Variants in PRIM2 observed in about 807,000 individuals in gnomAD.
PRIM2 encodes the protein DNA primase large subunit.
Under a neutral mutation model 67.3 loss-of-function variants are expected in PRIM2, and 39 were observed. That is an observed-to-expected ratio of 0.58 (90% CI 0.45 to 0.76). PRIM2 has a LOEUF of 0.76. PRIM2 is among the 30% of genes least tolerant of loss of function. The pLI, the probability that PRIM2 is intolerant of heterozygous loss-of-function variation, is 0.00. For missense variants in PRIM2, 398 were observed against 598.7 expected (o/e 0.66, Z 3.50); for synonymous variants, 143 against 198.7 (o/e 0.72, Z 2.36).
intron 3 of PRIM2, among the ~76,000 whole-genome samples, chr6:57,323,692 A>C (rs1676335853): frequency 6.6e-6 from 1 of 152,024 alleles, no homozygotes; most frequent in South Asian, 2.1e-4. Flanking sequence ...CTTAAAACCT[A>C]GATGACGGGC....
At chr6:57,495,712 C>T (rs1773989665) in intron 7 of PRIM2, among the ~76,000 whole-genome samples, 1 of 152,110 alleles carries the variant, frequency 6.6e-6, no homozygotes, top group African/African-American at 2.4e-5. Flanking sequence ...TTGTCCACCT[C>T]CTACACTCCA....
At chr6:57,603,090 C>A (rs1268077614) in intron 11 of PRIM2, among the ~76,000 whole-genome samples, 3 of 152,188 alleles carry the variant, frequency 2.0e-5, no homozygotes, top group Admixed American at 6.5e-5. Context: ...TTGTCTTTTG[C>A]AAATGTTTTC....
intron 8 of PRIM2, among the ~76,000 whole-genome samples, chr6:57,521,300 C>T (rs1774613605): frequency 6.6e-6 from 1 of 151,020 alleles, no homozygotes; most frequent in Admixed American, 6.6e-5. Context: ...TCCTACCCAC[C>T]CAACAAATCC....
chr6:57,557,513 A>G (rs1401014302), intron 10 of PRIM2, among the ~76,000 whole-genome samples: 39 of 151,668 alleles, frequency 2.6e-4, no homozygotes, highest in Middle Eastern at 3.4e-3. Flanking sequence ...AAACTAATGC[A>G]GGAACAGAAA....
intron 7 of PRIM2, among the ~76,000 whole-genome samples, chr6:57,415,116 T>TA (rs1771216137): frequency 6.6e-6 from 1 of 152,214 alleles, no homozygotes; most frequent in East Asian, 1.9e-4. Context: ...TGTATAGCAT[T>TA]AAAAAAATCA....
At chr6:57,270,648 G>A in the PRIM2 span, among the ~76,000 whole-genome samples, 2 of 152,266 alleles carry the variant, frequency 1.3e-5, no homozygotes, top group East Asian at 3.9e-4. Flanking sequence ...GCCCCGGCCA[G>A]AACTTCCAAC....
At chr6:57,238,602 G>A in the PRIM2 span, among the ~76,000 whole-genome samples, 2 of 152,304 alleles carry the variant, frequency 1.3e-5, no homozygotes, top group South Asian at 4.1e-4. Context: ...ATGCCCACAA[G>A]AGAAAGCAGG....
the PRIM2 span, among the ~76,000 whole-genome samples, chr6:57,291,793 A>G: frequency 6.6e-6 from 1 of 152,220 alleles, no homozygotes; most frequent in Non-Finnish European, 1.5e-5. Flanking sequence ...ATAAAATTCA[A>G]CAGCCCTTCA....
Position 57,459,803 on chromosome 6 carries a change from A to G in PRIM2, c.694-47584A>G, listed in dbSNP as rs1452499796. Among the ~76,000 whole-genome samples the G allele has an allele frequency of 9.3e-4, 141 of 152,262 alleles. 1 individual carries two copies. The highest frequency in any genetic ancestry group is 9.1e-3 in the South Asian group (44 of 4,816). The stretch of plus-strand genomic sequence containing the variant: ...ATCCAGGGTACTTTCCCTTTACTTA[A>G]AGTCAGCTGATTGTCAATTGTTAAT... On this transcript the variant is annotated intron_variant, in intron 7 of 13. Coordinates refer to ENST00000615550, the MANE Select transcript of PRIM2 (RefSeq NM_000947.5).
the PRIM2 span, among the ~76,000 whole-genome samples, chr6:57,237,655 C>T: frequency 6.6e-6 from 1 of 152,096 alleles, no homozygotes; most frequent in African/African-American, 2.4e-5. Context: ...TTTCCCAGCA[C>T]CATTTATTAA....
intron 7 of PRIM2, among the ~76,000 whole-genome samples, chr6:57,433,890 T>A (rs1771919904): frequency 1.3e-5 from 2 of 151,852 alleles, no homozygotes. Flanking sequence ...CTCCACTTAA[T>A]AGTTATGTGG....
the PRIM2 span, among the ~76,000 whole-genome samples, chr6:57,286,280 A>G: frequency 6.6e-6 from 1 of 152,200 alleles, no homozygotes; most frequent in African/African-American, 2.4e-5. Flanking sequence ...ATAAAACCAA[A>G]AAAGAGCCCG....
the PRIM2 span, among the ~76,000 whole-genome samples, chr6:57,272,545 A>G: frequency 6.6e-6 from 1 of 152,148 alleles, no homozygotes; most frequent in African/African-American, 2.4e-5. Context: ...GGGTTTCCTG[A>G]ATACAGCACA....
the PRIM2 span, among the ~76,000 whole-genome samples, chr6:57,271,128 T>C: frequency 6.6e-6 from 1 of 152,262 alleles, no homozygotes; most frequent in Non-Finnish European, 1.5e-5. Context: ...GGTATCAGGA[T>C]GATGCTGGCC....
At chr6:57,443,233 C>G (rs1772258996) in intron 7 of PRIM2, among the ~76,000 whole-genome samples, 1 of 152,184 alleles carries the variant, frequency 6.6e-6, no homozygotes, top group Non-Finnish European at 1.5e-5. Context: ...ACCTCCTCAG[C>G]CTACTGATTT....
At chr6:57,580,532 A>G (rs1206758987) in intron 10 of PRIM2, among the ~76,000 whole-genome samples, 6 of 152,230 alleles carry the variant, frequency 3.9e-5, no homozygotes, top group Non-Finnish European at 7.3e-5. Context: ...GGGAAGTATG[A>G]TAAGATAAAA....
chr6:57,501,988 C>T (rs1322780295), intron 7 of PRIM2, among the ~76,000 whole-genome samples: 2 of 152,154 alleles, frequency 1.3e-5, no homozygotes, highest in African/African-American at 4.8e-5. Context: ...TATATTCAGC[C>T]AATATTTCTG....
intron 5 of PRIM2, among the ~76,000 whole-genome samples, chr6:57,330,384 T>TTTTTTTTTTTTTTTTTTTG (rs1562696759): frequency 3.4e-4 from 12 of 35,144 alleles, no homozygotes; most frequent in African/African-American, 9.9e-4. Flanking sequence ...TGTTTTTTTG[T>TTTTTTTTTTTTTTTTTTTG]TTTTTTTTTT....
chr6:57,225,158 G>A, the PRIM2 span, among the ~76,000 whole-genome samples: 2 of 152,178 alleles, frequency 1.3e-5, no homozygotes. Flanking sequence ...AAGCTCTTAG[G>A]CCTAACTGCT....
Sources: allele counts gnomAD v4.1 joint callset (sites outside exome capture counted in the v4.1 genomes callset), GRCh38; gene constraint gnomAD v4.1.1; transcripts MANE v1.5; gene names NCBI Gene and HGNC (gene_info 2026-07-23, HGNC 2026-07-21).